GSK3A: variants seen among roughly 807,000 people sequenced by gnomAD.
GSK3A encodes glycogen synthase kinase 3 alpha.
In GSK3A, 14 loss-of-function variants were observed where a neutral mutation model predicts 56.6. The observed-to-expected ratio is 0.25, with a 90% CI of 0.16 to 0.39. GSK3A has a LOEUF of 0.39. GSK3A is among the 10% of genes least tolerant of loss of function. The pLI is 1.00. For synonymous variants in GSK3A, 301 were observed against 285.0 expected, an observed-to-expected ratio of 1.06 and a Z score of -0.56; for missense variants, 450 against 656.0, an observed-to-expected ratio of 0.69 and a Z score of 3.43.
At position 42,232,644 on chromosome 19, in the gene GSK3A, G is replaced by C. The variant is rs201590175; in HGVS notation, c.1137C>G (p.Leu379=). ...GGGTGTACTCCAGCAGGCTAGAGCA[G>C]AGCGCGATGGCCTCTGGCGGCGTTC... ...KSRTPPEAIA[L]CSSLLEYTPS... The change falls in exon 9 of 11, where the codon CTC becomes CTG. Residue 379 remains leucine, a synonymous_variant. Coordinates refer to ENST00000222330, the MANE Select transcript of GSK3A (RefSeq NM_019884.3). 26 of 1,604,102 alleles carry C rather than the reference G, an allele frequency of 1.6e-5. No individual in the cohort carries two copies. Among genetic ancestry groups the C allele is most frequent in the African/African-American group, 2.7e-5 (2 of 74,838 alleles).
Position 42,234,715 on chromosome 19 carries a change from C to T in GSK3A, c.667-37G>A. On this transcript the variant is annotated intron_variant, in intron 4 of 10. Transcript: ENST00000222330. The surrounding 1 kb of genome is among the most constrained non-coding windows in gnomAD (Gnocchi z 5.7). ...ACAGGATAGCAGAACTTTAGCCCAG[C>T]TTTCCCCATACAGCACCACTACCCC... The T allele has an allele frequency of 3.3e-6, 5 of 1,512,430 alleles. No individual in the cohort carries two copies. The highest frequency in any genetic ancestry group is 4.4e-6 in the Non-Finnish European group (5 of 1,124,126). 93.7% of individuals were successfully genotyped at this position (1,512,430 alleles called of 1,614,324 possible). A position where few individuals can be genotyped will look rare whatever the true frequency, so the allele number is the denominator to read the frequency against.
At chr19:42,232,216 G>T in intron 9 of GSK3A, 67 bp from the exon 10 acceptor site, 1 of 985,074 alleles carries the variant, frequency 1.0e-6, no homozygotes. Flanking sequence ...CACCAAATGG[G>T]AACCCAGCTA....
chr19:42,236,856 A>G lies in GSK3A; in HGVS notation c.555+2T>C. 6.2e-7 allele frequency: 1 copy of G among 1,605,926 alleles called. No homozygotes were observed. The highest frequency in any genetic ancestry group is 8.5e-7 in the Non-Finnish European group (1 of 1,172,550). On this transcript the variant is annotated splice_donor_variant, in intron 3 of 10. Transcript: ENST00000222330. LOFTEE classifies it high-confidence loss of function. The stretch of plus-strand genomic sequence containing the variant: ...CCCACCACCACCACCTCGAGATCTC[A>G]CCTTCTCGCCACTGGAGTAGAAAAA...
Position 42,234,161 on chromosome 19 carries a change from C to T in GSK3A, c.904+192G>A, listed in dbSNP as rs746889420. On this transcript the variant is annotated intron_variant, in intron 6 of 10. Coordinates refer to ENST00000222330, the MANE Select transcript of GSK3A (RefSeq NM_019884.3). The surrounding 1 kb of genome is among the most constrained non-coding windows in gnomAD (Gnocchi z 5.7). ...CTGCCCAGTCCTAGTGGTGCCAGTGCGGGCAGGCGGCCTCACAGCTCTAAG... is the reference window on the plus strand; with the variant it reads ...CTGCCCAGTCCTAGTGGTGCCAGTGTGGGCAGGCGGCCTCACAGCTCTAAG... 6.6e-6 allele frequency among the ~76,000 whole-genome samples: 1 copy of T among 152,158 alleles called. No individual in the cohort carries two copies. The highest frequency in any genetic ancestry group is 2.4e-5 in the African/African-American group (1 of 41,426).
rs1420171179 is a variant in GSK3A, at chr19:42,233,352, C to T, written c.936G>A (p.Glu312=). ...DVWSAGCVLA[E]LLLGQPIFPG... ...GGAAGATGGGCTGGCCCAAGAGGAG[C>T]TCTGCCAGTACACAGCCAGCTGACC... The change falls in exon 7 of 11, where the codon GAG becomes GAA. Residue 312 remains glutamate, a synonymous_variant. Transcript: ENST00000222330. The T allele has an allele frequency of 2.5e-6, 4 of 1,586,580 alleles. No homozygotes were observed. Among genetic ancestry groups the T allele is most frequent in the Non-Finnish European group, 2.6e-6 (3 of 1,164,960 alleles).
At chr19:42,236,484 G>C in intron 4 of GSK3A, 122 bp downstream of exon 4, 1 of 720,676 alleles carries the variant, frequency 1.4e-6, no homozygotes, top group Non-Finnish European at 2.5e-6. Flanking sequence ...ACAACAGCAG[G>C]GGACATGGGG....
At chr19:42,233,424 G>T (rs1348357226) in intron 6 of GSK3A, 41 bp from the exon 7 acceptor site, 10 of 1,305,436 alleles carry the variant, frequency 7.7e-6, no homozygotes, top group Non-Finnish European at 1.1e-5. Context: ...AGGCGAGTAG[G>T]GCCACCAACC....
chr19:42,239,954 C>G lies in GSK3A; in HGVS notation c.471+1G>C, dbSNP rs2036281275. ...CCCTGTCCCCATCCCGCCCAAGCTA[C>G]CTTGAACCTCTTGTCCTGGAGAACC... On this transcript the variant is annotated splice_donor_variant, in intron 2 of 10. Coordinates refer to ENST00000222330, the MANE Select transcript of GSK3A (RefSeq NM_019884.3). LOFTEE classifies it high-confidence loss of function. 6.2e-7 allele frequency: 1 copy of G among 1,613,816 alleles called. No individual in the cohort carries two copies. Among genetic ancestry groups the G allele is most frequent in the Admixed American group, 1.7e-5 (1 of 59,996 alleles).
chr19:42,242,532 C>A lies in GSK3A; in HGVS notation c.-67G>T. On this transcript the variant is annotated 5_prime_UTR_variant, in exon 1 of 11. Coordinates refer to ENST00000222330, the MANE Select transcript of GSK3A (RefSeq NM_019884.3). ...GGGCTGCCCCAGCCGCCGCCGCTGCCGCCGCCTCCCCCGGGCCCTGGCCTC... is the reference window on the plus strand; with the variant it reads ...GGGCTGCCCCAGCCGCCGCCGCTGCAGCCGCCTCCCCCGGGCCCTGGCCTC... The A allele has an allele frequency of 1.0e-6, 1 of 996,020 alleles. No homozygotes were observed. The highest frequency in any genetic ancestry group is 1.2e-6 in the Non-Finnish European group (1 of 831,098). 61.7% of individuals were successfully genotyped at this position (996,020 alleles called of 1,614,324 possible).
rs377139858 is a variant in GSK3A, at chr19:42,242,190, C to T, written c.276G>A (p.Lys92=). ...GGCGCCACTAGTACTCACGGCCCAG[C>T]TTCACCCCGGGCGGCGGGAAGCTAG... ...AGTSFPPPGV[K]LGRDSGKVTT... The change falls in exon 1 of 11, where the codon AAG becomes AAA. Residue 92 remains lysine, a synonymous_variant. Transcript: ENST00000222330. The T allele has an allele frequency of 2.3e-4, 333 of 1,421,322 alleles. No homozygotes were observed. Among genetic ancestry groups the T allele is most frequent in the Middle Eastern group, 1.1e-3 (6 of 5,456 alleles). The allele number at this position is 1,421,322 out of a possible 1,614,324, so 88.0% of individuals were successfully genotyped here.
chr19:42,240,392 G>A (rs1372857683), intron 1 of GSK3A: 2 of 583,434 alleles, frequency 3.4e-6, no homozygotes, highest in Non-Finnish European at 6.1e-6. Context: ...TCTGCTTCAA[G>A]GGTTGGCAAC....
chr19:42,233,067 C>CAGCT (rs2036234630), intron 8 of GSK3A, 43 bp downstream of exon 8: 1 of 1,284,872 alleles, frequency 7.8e-7, no homozygotes, highest in African/African-American at 1.5e-5. Flanking sequence ...CAAGGGGGAC[C>CAGCT]AGCTCTCAGC....
intron 9 of GSK3A, 137 bp downstream of exon 9, chr19:42,232,359 G>A: frequency 1.3e-6 from 1 of 789,708 alleles, no homozygotes; most frequent in Admixed American, 2.4e-5. Context: ...GAATCTGGGA[G>A]TCATCTTTCC....
intron 1 of GSK3A, chr19:42,240,522 A>G (rs1333772993): frequency 5.2e-6 from 2 of 386,518 alleles, no homozygotes; most frequent in East Asian, 8.8e-5. Context: ...ATTTGGAGAA[A>G]GCTTGACCGA....
chr19:42,233,484 G>A (rs980155435), intron 6 of GSK3A, 101 bp from the exon 7 acceptor site: 19 of 784,132 alleles, frequency 2.4e-5, no homozygotes, highest in South Asian at 3.5e-5. Context: ...CAGGAGCCCC[G>A]TTTTCTCAAA....
chr19:42,230,692 T>G lies in GSK3A; in HGVS notation c.*102A>C. The G allele has an allele frequency of 8.2e-6, 7 of 850,598 alleles. No homozygotes were observed. Among genetic ancestry groups the G allele is most frequent in the Non-Finnish European group, 1.4e-5 (7 of 509,282 alleles). The allele number at this position is 850,598 out of a possible 1,614,324, so 52.7% of individuals were successfully genotyped here. ...GGACTCATTTACCTCTGCCCTCTAGTCTAGGGGCCCAGCCAGGGCAGGAGC... is the reference window on the plus strand; with the variant it reads ...GGACTCATTTACCTCTGCCCTCTAGGCTAGGGGCCCAGCCAGGGCAGGAGC... On this transcript the variant is annotated 3_prime_UTR_variant, in exon 11 of 11. Coordinates refer to ENST00000222330, the MANE Select transcript of GSK3A (RefSeq NM_019884.3).
At position 42,240,058 on chromosome 19, in the gene GSK3A, T is replaced by C; in HGVS notation, c.368A>G (p.Lys123Arg). ...CCCAAATGAGCCATTGCCAATCACTTTGATGTCCGTGTAAGCCACTTCTTG... is the reference window on the plus strand; with the variant it reads ...CCCAAATGAGCCATTGCCAATCACTCTGATGTCCGTGTAAGCCACTTCTTG... ...RSQEVAYTDIKVIGNGSFGVV... is the reference protein window; with the variant it reads ...RSQEVAYTDIRVIGNGSFGVV... Residue 123 changes from lysine (K) to arginine (R), a missense_variant, in exon 2 of 11, where the codon AAA becomes AGA. Physicochemically the swap from Lys to Arg is conservative, Grantham distance 26. This residue lies in a region of GSK3A where 193 missense variants were observed against 200.5 expected (regional missense o/e 0.96). Transcript: ENST00000222330. 3.7e-6 allele frequency: 6 copies of C among 1,614,172 alleles called. No individual in the cohort carries two copies. Among genetic ancestry groups the C allele is most frequent in the South Asian group, 1.1e-5 (1 of 91,084 alleles).
At position 42,242,234 on chromosome 19, in the gene GSK3A, C is replaced by G. The variant is rs1370299102; in HGVS notation, c.232G>C (p.Gly78Arg). 1 of 1,443,026 alleles carries G rather than the reference C, an allele frequency of 6.9e-7. No homozygotes were observed. Among genetic ancestry groups the G allele is most frequent in the African/African-American group, 1.5e-5 (1 of 67,492 alleles). The allele number at this position is 1,443,026 out of a possible 1,614,324, so 89.4% of individuals were successfully genotyped here. A position where few individuals can be genotyped will look rare whatever the true frequency, so the allele number is the denominator to read the frequency against. ...GPGGSGGGGS[G>R]GPGAGTSFPP... ...AAGCTAGTGCCTGCGCCGGGGCCTC[C>G]GCTGCCTCCTCCGCCGCTGCCGCCG... is the stretch of plus-strand genomic sequence containing the variant. The change falls in exon 1 of 11, where the codon GGA becomes CGA. Residue 78 changes from glycine (G) to arginine (R), a missense_variant. By Grantham distance (125) the Gly-to-Arg change is moderately radical. Around this residue, in one of 3 missense-constraint regions of GSK3A, gnomAD observed 193 missense variants for 200.5 expected, o/e 0.96. Coordinates refer to ENST00000222330, the MANE Select transcript of GSK3A (RefSeq NM_019884.3).
intron 1 of GSK3A, 101 bp from the exon 2 acceptor site, chr19:42,240,243 T>C (rs898368452): frequency 7.3e-6 from 8 of 1,095,248 alleles, no homozygotes; most frequent in South Asian, 1.3e-5. Context: ...AGGAAGCTCG[T>C]TGGGGACCTC....
Sources: allele counts gnomAD v4.1 joint callset (sites outside exome capture counted in the v4.1 genomes callset), GRCh38; gene constraint gnomAD v4.1.1; regional missense constraint gnomAD v4.1.1; non-coding constraint Gnocchi (gnomAD v3.1); transcripts MANE v1.5; gene names NCBI Gene and HGNC (gene_info 2026-07-23, HGNC 2026-07-21).